RAPGEF4: variants seen among roughly 807,000 people sequenced by gnomAD.
RAPGEF4 encodes the protein Rap guanine nucleotide exchange factor 4.
In RAPGEF4, 66 loss-of-function variants were observed where a neutral mutation model predicts 147.9. That is an observed-to-expected ratio of 0.45 (90% CI 0.37 to 0.55). The LOEUF is 0.55. Among genes scored for constraint, RAPGEF4 ranks in the 20% least tolerant of loss-of-function variants. The pLI is 0.00. For synonymous variants in RAPGEF4, 419 were observed against 442.7 expected (o/e 0.95, Z 0.67); for missense variants, 1,071 against 1,257.3 (o/e 0.85, Z 2.24).
intron 6 of RAPGEF4, among the ~76,000 whole-genome samples, chr2:172,956,590 C>A (rs999562366): frequency 6.6e-6 from 1 of 152,022 alleles, no homozygotes; most frequent in Non-Finnish European, 1.5e-5. Flanking sequence ...CTGCCTCAGC[C>A]TCCCAAGTAG....
At chr2:172,779,783 T>G (rs1047632637) in intron 1 of RAPGEF4, among the ~76,000 whole-genome samples, 3 of 152,140 alleles carry the variant, frequency 2.0e-5, no homozygotes, top group Middle Eastern at 3.4e-3. Context: ...GGGGAAGAAA[T>G]GATGGTGGCT....
chr2:172,819,106 T>A (rs1418831836), intron 4 of RAPGEF4, among the ~76,000 whole-genome samples: 1 of 152,186 alleles, frequency 6.6e-6, no homozygotes, highest in African/African-American at 2.4e-5. Context: ...GTACCCTACA[T>A]CTTTCCTAAT....
intron 1 of RAPGEF4, among the ~76,000 whole-genome samples, chr2:172,746,805 G>A (rs1694815955): frequency 6.6e-6 from 1 of 151,926 alleles, no homozygotes; most frequent in African/African-American, 2.4e-5. Flanking sequence ...TAGAGACAGG[G>A]TTTCACCATG....
At chr2:172,973,712 T>C (rs1378150393) in intron 10 of RAPGEF4, among the ~76,000 whole-genome samples, 14 of 152,168 alleles carry the variant, frequency 9.2e-5, no homozygotes. Flanking sequence ...TGTGGTGTGA[T>C]CAGATTTGTA....
At chr2:172,803,465 C>T (rs1381730931) in intron 3 of RAPGEF4, among the ~76,000 whole-genome samples, 1 of 152,206 alleles carries the variant, frequency 6.6e-6, no homozygotes. Flanking sequence ...TGCAGGGCAC[C>T]AAGTTCCTAG....
chr2:172,782,607 A>G (rs1684788010), intron 1 of RAPGEF4, among the ~76,000 whole-genome samples: 2 of 152,184 alleles, frequency 1.3e-5, no homozygotes, highest in Non-Finnish European at 2.9e-5. Context: ...AGTACTACGA[A>G]ATGATTTTTG....
At chr2:172,920,210 A>G (rs982864305) in intron 5 of RAPGEF4, among the ~76,000 whole-genome samples, 1 of 152,202 alleles carries the variant, frequency 6.6e-6, no homozygotes, top group Non-Finnish European at 1.5e-5. Context: ...GTAAATTAAT[A>G]TGCATTTTAA....
intron 4 of RAPGEF4, chr2:172,860,106 T>G (rs1421307308): frequency 4.1e-6 from 4 of 985,178 alleles, no homozygotes; most frequent in Non-Finnish European, 4.8e-6. Flanking sequence ...GCAGAAACAT[T>G]AGTGCTAATA....
intron 4 of RAPGEF4, among the ~76,000 whole-genome samples, chr2:172,881,554 A>T (rs1265563924): frequency 1.3e-5 from 2 of 152,208 alleles, no homozygotes; most frequent in African/African-American, 2.4e-5. Context: ...CCTCGGATAG[A>T]AGGAAGCAGC....
chr2:173,045,054 T>C (rs1685288626), intron 29 of RAPGEF4, among the ~76,000 whole-genome samples: 1 of 152,232 alleles, frequency 6.6e-6, no homozygotes, highest in South Asian at 2.1e-4. Flanking sequence ...CCTATATCTC[T>C]TTAACCTTTG....
intron 6 of RAPGEF4, among the ~76,000 whole-genome samples, chr2:172,922,526 A>G (rs1446885785): frequency 6.6e-6 from 1 of 152,250 alleles, no homozygotes; most frequent in Non-Finnish European, 1.5e-5. Flanking sequence ...ACCAGTCTGA[A>G]GAAAGGTTAT....
At chr2:172,870,505 T>C (rs1695121203) in intron 4 of RAPGEF4, among the ~76,000 whole-genome samples, 1 of 152,194 alleles carries the variant, frequency 6.6e-6, no homozygotes, top group African/African-American at 2.4e-5. Context: ...TGTGTCAGTT[T>C]ATGTCAGGAT....
intron 1 of RAPGEF4, among the ~76,000 whole-genome samples, chr2:172,768,505 TAAA>T (rs60090129): frequency 3.0e-5 from 3 of 98,416 alleles, no homozygotes; most frequent in Admixed American, 1.1e-4. Flanking sequence ...CAACCAAAAG[TAAA>T]AAAAAAAAAA....
At chr2:172,749,765 T>G (rs1335477333) in intron 1 of RAPGEF4, among the ~76,000 whole-genome samples, 1 of 152,248 alleles carries the variant, frequency 6.6e-6, no homozygotes, top group Non-Finnish European at 1.5e-5. Flanking sequence ...GCTGTGAATT[T>G]CCCGAACTTT....
At chr2:172,763,678 G>A (rs1276750974) in intron 1 of RAPGEF4, among the ~76,000 whole-genome samples, 5 of 152,168 alleles carry the variant, frequency 3.3e-5, no homozygotes, top group Admixed American at 3.3e-4. Context: ...TTTCGACTCA[G>A]TGATATATGG....
At chr2:172,852,545 G>A (rs1177531294) in intron 4 of RAPGEF4, among the ~76,000 whole-genome samples, 2 of 152,054 alleles carry the variant, frequency 1.3e-5, no homozygotes, top group South Asian at 2.1e-4. Context: ...CAACTTCCTT[G>A]TGATTCTTCT....
At chr2:172,863,335 G>A (rs1364155921) in intron 4 of RAPGEF4, among the ~76,000 whole-genome samples, 1 of 152,148 alleles carries the variant, frequency 6.6e-6, no homozygotes, top group African/African-American at 2.4e-5. Flanking sequence ...ATAATATAGA[G>A]CTATTGCTGA....
chr2:172,826,695 G>T (rs192550221), intron 4 of RAPGEF4, among the ~76,000 whole-genome samples: 1 of 152,220 alleles, frequency 6.6e-6, no homozygotes, highest in Non-Finnish European at 1.5e-5. Flanking sequence ...AGCTGGGCTC[G>T]GTGACTCATG....
rs1000312463 is a variant in RAPGEF4 at position 172,790,002 on chromosome 2, G to A, written c.66-5023G>A. ...CCAGAAGTGAGATTGCTGGATGAATGGTAGTTCTATTTTTAACTTTTTGAG... is the reference window on the plus strand; with the variant it reads ...CCAGAAGTGAGATTGCTGGATGAATAGTAGTTCTATTTTTAACTTTTTGAG... On this transcript the variant is annotated intron_variant, in intron 1 of 30. Transcript: ENST00000397081. 2.0e-5 allele frequency among the ~76,000 whole-genome samples: 3 copies of A among 152,122 alleles called. No homozygotes were observed. The South Asian group carries it at 6.2e-4, about 32-fold the overall frequency.
Sources: allele counts gnomAD v4.1 joint callset (sites outside exome capture counted in the v4.1 genomes callset), GRCh38; gene constraint gnomAD v4.1.1; transcripts MANE v1.5; gene names NCBI Gene and HGNC (gene_info 2026-07-23, HGNC 2026-07-21).